The following SCML4 variants were observed in gnomAD, a reference collection of about 807,000 sequenced individuals.
SCML4 encodes the protein Scm polycomb group protein like 4, also known as sex comb on midleg-like protein 4.
Under a neutral mutation model 41.1 loss-of-function variants are expected in SCML4, and 34 were observed. That is an observed-to-expected ratio of 0.83 (90% CI 0.63 to 1.10). SCML4 has a LOEUF of 1.10. Ranked by LOEUF, SCML4 falls within the 50% of genes least tolerant of loss-of-function variation. The pLI is 0.00. For missense variants in SCML4, 522 were observed against 534.1 expected (o/e 0.98, Z 0.22); for synonymous variants, 214 against 220.9 (o/e 0.97, Z 0.28).
the SCML4 span, among the ~76,000 whole-genome samples, chr6:107,832,109 C>T: frequency 6.6e-6 from 1 of 151,072 alleles, no homozygotes; most frequent in East Asian, 1.9e-4. Context: ...GGTGGTGGTG[C>T]ATGCCGGTAG....
chr6:107,775,241 TG>T (rs1780841062), intron 1 of SCML4, among the ~76,000 whole-genome samples: 1 of 152,246 alleles, frequency 6.6e-6, no homozygotes, highest in South Asian at 2.1e-4. Flanking sequence ...TCCCTTTGCC[TG>T]GAATGCTCTT....
At chr6:107,753,268 T>C (rs1778837429) in intron 2 of SCML4, among the ~76,000 whole-genome samples, 2 of 152,090 alleles carry the variant, frequency 1.3e-5, no homozygotes, top group Non-Finnish European at 2.9e-5. Flanking sequence ...GAAAAGAGTA[T>C]GGCAGTTTTT....
chr6:107,832,835 G>A, the SCML4 span, among the ~76,000 whole-genome samples: 1 of 152,308 alleles, frequency 6.6e-6, no homozygotes, highest in East Asian at 1.9e-4. Context: ...GTGACCTCCT[G>A]CCCTCTCAGA....
intron 5 of SCML4, chr6:107,732,271 T>C (rs1776640462): frequency 6.6e-6 from 1 of 152,252 alleles, no homozygotes; most frequent in Admixed American, 6.5e-5. Flanking sequence ...CCTTTCTGGT[T>C]CAAAGGGCAC....
At position 107,745,096 on chromosome 6, in the gene SCML4, C is replaced by A. The variant is rs1237144407; in HGVS notation, c.535G>T (p.Val179Leu). ...GKQHLRSLPV[V>L]NSIGYVLRFL... ...CGGAGGACATAGCCGATGCTGTTCA[C>A]CACAGGCAGGCTCCGCAGGTGCTGT... is the stretch of plus-strand genomic sequence containing the variant. The change falls in exon 5 of 8, where the codon GTG (valine) becomes TTG (leucine). Residue 179 changes from valine to leucine, a missense_variant. By Grantham distance (32) the Val-to-Leu change is conservative (BLOSUM62 1). Transcript: ENST00000369020. 1.2e-6 allele frequency: 2 copies of A among 1,609,702 alleles called. No individual in the cohort carries two copies. The highest frequency in any genetic ancestry group is 1.7e-6 in the Non-Finnish European group (2 of 1,177,880).
chr6:107,772,684 C>T (rs1341283176), intron 1 of SCML4, among the ~76,000 whole-genome samples: 1 of 152,166 alleles, frequency 6.6e-6, no homozygotes, highest in African/African-American at 2.4e-5. Flanking sequence ...GATAATGTCA[C>T]CAGCAACAAA....
At position 107,753,498 on chromosome 6, in the gene SCML4, G is replaced by T. The variant is rs1021164487; in HGVS notation, c.157-3685C>A. 2.0e-5 allele frequency among the ~76,000 whole-genome samples: 3 copies of T among 152,202 alleles called. No individual in the cohort carries two copies. The South Asian group carries it at 6.2e-4, about 31-fold the overall frequency. On this transcript the variant is annotated intron_variant, in intron 2 of 7. Coordinates refer to ENST00000369020, the MANE Select transcript of SCML4 (RefSeq NM_198081.5). ...GGAATGGGGAGTTATTGCTTAGTGGGTAGAGAGTTTGAATTTCGCAAGATG... is the reference window on the plus strand; with the variant it reads ...GGAATGGGGAGTTATTGCTTAGTGGTTAGAGAGTTTGAATTTCGCAAGATG...
chr6:107,812,880 TACACAC>T (rs141469245), intron 1 of SCML4, among the ~76,000 whole-genome samples: 21 of 141,468 alleles, frequency 1.5e-4, no homozygotes, highest in East Asian at 1.3e-3. Flanking sequence ...CACAGACACA[TACACAC>T]ACACACACAC....
intron 2 of SCML4, among the ~76,000 whole-genome samples, chr6:107,756,128 A>G (rs1425868092): frequency 6.6e-6 from 1 of 152,214 alleles, no homozygotes; most frequent in African/African-American, 2.4e-5. Flanking sequence ...CCCTCCCTCA[A>G]GTAGGTGAAG....
At chr6:107,750,115 T>G (rs1026804737) in intron 2 of SCML4, among the ~76,000 whole-genome samples, 2 of 152,164 alleles carry the variant, frequency 1.3e-5, no homozygotes, top group Non-Finnish European at 2.9e-5. Flanking sequence ...ACGCTTTGAG[T>G]GCAGAATGCA....
At chr6:107,761,091 G>A (rs1779546546) in intron 2 of SCML4, among the ~76,000 whole-genome samples, 1 of 152,072 alleles carries the variant, frequency 6.6e-6, no homozygotes, top group Non-Finnish European at 1.5e-5. Flanking sequence ...TGGAAAAGAG[G>A]TTAAAAGAAA....
At chr6:107,762,169 G>T (rs1375506293) in intron 2 of SCML4, among the ~76,000 whole-genome samples, 1 of 152,136 alleles carries the variant, frequency 6.6e-6, no homozygotes, top group Non-Finnish European at 1.5e-5. Flanking sequence ...CAAAAGTATG[G>T]TTAACTTTAG....
intron 1 of SCML4, among the ~76,000 whole-genome samples, chr6:107,822,477 C>T (rs1785012148): frequency 1.3e-5 from 2 of 149,458 alleles, no homozygotes; most frequent in South Asian, 4.2e-4. Context: ...CTTTCTATTA[C>T]CGTTCATTTA....
chr6:107,789,161 T>C (rs1175205513), intron 1 of SCML4, among the ~76,000 whole-genome samples: 1 of 152,144 alleles, frequency 6.6e-6, no homozygotes, highest in Admixed American at 6.5e-5. Context: ...AAAAGCGAAT[T>C]CTTAACCCTC....
At chr6:107,844,050 G>T in the SCML4 span, among the ~76,000 whole-genome samples, 1 of 152,146 alleles carries the variant, frequency 6.6e-6, no homozygotes, top group Admixed American at 6.5e-5. Flanking sequence ...AATCATCAAG[G>T]ATACAGTATG....
the SCML4 span, among the ~76,000 whole-genome samples, chr6:107,834,620 AAGAC>A: frequency 6.6e-6 from 1 of 152,190 alleles, no homozygotes; most frequent in African/African-American, 2.4e-5. Context: ...TCTGGTATGA[AAGAC>A]AGAGACCAAA....
At chr6:107,828,006 A>G (rs559348133), upstream of SCML4, among the ~76,000 whole-genome samples, 41 of 152,378 alleles carry the variant, frequency 2.7e-4, no homozygotes, top group South Asian at 8.5e-3. Context: ...GTGATAGCTA[A>G]CATTTACTGA....
At chr6:107,823,365 C>T (rs1785087242) in intron 1 of SCML4, among the ~76,000 whole-genome samples, 1 of 152,190 alleles carries the variant, frequency 6.6e-6, no homozygotes, top group Admixed American at 6.5e-5. Flanking sequence ...GTCCAGCCAG[C>T]AATCAACCTG....
intron 1 of SCML4, among the ~76,000 whole-genome samples, chr6:107,821,876 G>C (rs1784967737): frequency 6.6e-6 from 1 of 152,192 alleles, no homozygotes; most frequent in Non-Finnish European, 1.5e-5. Context: ...TAAGGTGCGT[G>C]TCATAAAGGA....
Sources: gnomAD v4.1 joint callset for allele counts (sites outside exome capture counted in the v4.1 genomes callset) on GRCh38, gnomAD v4.1.1 for gene constraint, MANE v1.5 for transcripts, NCBI Gene and HGNC (gene_info 2026-07-23, HGNC 2026-07-21) for gene names.